Variants in NEAT1 observed in about 807,000 individuals in gnomAD.
NEAT1 encodes the protein nuclear paraspeckle assembly transcript 1.
At chr11:65,430,391 G>A (rs1020190898) in exon 1 of NEAT1, 1 of 152,186 alleles carries the variant, frequency 6.6e-6, no homozygotes, top group African/African-American at 2.4e-5. Context: ...GTTTCCAGTA[G>A]TATTTCCCTG....
exon 1 of NEAT1, chr11:65,443,354 G>A (rs900244232): frequency 6.6e-6 from 1 of 152,196 alleles, no homozygotes; most frequent in African/African-American, 2.4e-5. Flanking sequence ...GCACACATGT[G>A]CACACACACT....
At chr11:65,432,049 G>A (rs1027740675) in exon 1 of NEAT1, 3 of 152,158 alleles carry the variant, frequency 2.0e-5, no homozygotes, top group African/African-American at 7.2e-5. Context: ...CTATATTTCT[G>A]TACTCACCTT....
exon 1 of NEAT1, chr11:65,424,136 C>G (rs1386884683): frequency 6.6e-6 from 1 of 152,186 alleles, no homozygotes; most frequent in Non-Finnish European, 1.5e-5. Context: ...GTTTCCAGGC[C>G]TTGCTCAGGA....
chr11:65,423,694 C>T (rs1856527029), exon 1 of NEAT1: 1 of 152,260 alleles, frequency 6.6e-6, no homozygotes, highest in South Asian at 2.1e-4. Flanking sequence ...CTCACTCCAC[C>T]CCTTCTTCCT....
chr11:65,438,644 C>T (rs1464403737), exon 1 of NEAT1: 1 of 152,156 alleles, frequency 6.6e-6, no homozygotes, highest in South Asian at 2.1e-4. Context: ...TGTAATCATA[C>T]AGTATTTGTC....
At chr11:65,433,324 C>T (rs1856629578) in exon 1 of NEAT1, 1 of 152,138 alleles carries the variant, frequency 6.6e-6, no homozygotes, top group South Asian at 2.1e-4. Context: ...TAATGATCAT[C>T]ACTTTTCATT....
exon 1 of NEAT1, chr11:65,438,852 G>A (rs1402685387): frequency 6.6e-6 from 1 of 152,206 alleles, no homozygotes; most frequent in African/African-American, 2.4e-5. Flanking sequence ...GCTATGAACA[G>A]TTGCGTACAA....
exon 1 of NEAT1, chr11:65,437,720 T>C (rs1565634721): frequency 1.3e-5 from 2 of 152,124 alleles, no homozygotes; most frequent in Admixed American, 6.6e-5. Flanking sequence ...AAAGCTGGTC[T>C]TGGTCTGTCT....
chr11:65,423,920 AAAGTTAC>A (rs1290203208), exon 1 of NEAT1: 3 of 152,266 alleles, frequency 2.0e-5, no homozygotes, highest in African/African-American at 7.2e-5. Context: ...CATCCAGCTG[AAAGTTAC>A]AAAAATGCTT....
chr11:65,441,033 G>A (rs1394279677), exon 1 of NEAT1: 1 of 151,936 alleles, frequency 6.6e-6, no homozygotes, highest in Admixed American at 6.6e-5. Context: ...TTGCCACTCA[G>A]TAGTGCATGA....
exon 1 of NEAT1, chr11:65,431,754 G>A (rs1856615555): frequency 6.6e-6 from 1 of 152,104 alleles, no homozygotes; most frequent in Non-Finnish European, 1.5e-5. Context: ...TTTAAAAATT[G>A]GGTTATTAGA....
rs573965329 is a variant in NEAT1 at position 65,440,347 on chromosome 11, G to A, written n.17550G>A. On this transcript the variant is annotated non_coding_transcript_exon_variant, in exon 1 of 1. Transcript: ENST00000501122. ...AGGCCAAGCGTGGTGGCATGTGCCT[G>A]TAGTCCTAGTTGCTGAGGTAAGAGG... is the stretch of plus-strand genomic sequence containing the variant. 4 of 152,100 alleles carry A rather than the reference G, an allele frequency of 2.6e-5. No individual in the cohort carries two copies. In the East Asian group the frequency reaches 7.7e-4, roughly 29 times the overall value. The allele number at this position is 152,100 out of a possible 1,614,324, so 9.4% of individuals were successfully genotyped here. A position where few individuals can be genotyped will look rare whatever the true frequency, so the allele number is the denominator to read the frequency against.
At chr11:65,431,606 G>A (rs941153273) in exon 1 of NEAT1, 2 of 152,164 alleles carry the variant, frequency 1.3e-5, no homozygotes, top group Non-Finnish European at 2.9e-5. Context: ...AGCCATCATA[G>A]TGGGTGTGAG....
exon 1 of NEAT1, chr11:65,430,648 G>GT (rs1856606772): frequency 6.6e-6 from 1 of 152,148 alleles, no homozygotes; most frequent in African/African-American, 2.4e-5. Context: ...CTGTTAAACT[G>GT]TTTTGACTAC....
chr11:65,434,421 A>G (rs1279162335), exon 1 of NEAT1: 1 of 152,102 alleles, frequency 6.6e-6, no homozygotes. Flanking sequence ...TTTTCTATAG[A>G]AGTGGTAAAA....
exon 1 of NEAT1, chr11:65,423,553 G>A (rs1856524745): frequency 6.6e-6 from 1 of 152,476 alleles, no homozygotes; most frequent in Middle Eastern, 3.3e-3. Context: ...CACCTAGCAT[G>A]TTTGACAGGC....
exon 1 of NEAT1, chr11:65,437,209 ATG>A (rs1555046532): frequency 6.6e-4 from 92 of 140,124 alleles, no homozygotes; most frequent in Middle Eastern, 3.6e-3. Context: ...ATATATATAT[ATG>A]TATATATATA....
At chr11:65,435,820 GT>G (rs1474094839) in exon 1 of NEAT1, 9 of 152,220 alleles carry the variant, frequency 5.9e-5, no homozygotes, top group African/African-American at 2.2e-4. Context: ...GCACAAAACA[GT>G]AGTGGGTCCT....
At chr11:65,430,747 G>T (rs892564340) in exon 1 of NEAT1, 2 of 152,098 alleles carry the variant, frequency 1.3e-5, no homozygotes, top group Non-Finnish European at 2.9e-5. Flanking sequence ...GAGCACTTAT[G>T]GTTTTATAAC....
Sources: gnomAD v4.1 joint callset for allele counts on GRCh38, gnomAD v4.1.1 for gene constraint, MANE v1.5 for transcripts, NCBI Gene and HGNC (gene_info 2026-07-23, HGNC 2026-07-21) for gene names.